Variants in CCDC15 observed in about 807,000 individuals in gnomAD.
The protein encoded by CCDC15 is coiled-coil domain-containing protein 15.
In CCDC15, 105 loss-of-function variants were observed where a neutral mutation model predicts 114.5. The ratio of observed to expected loss-of-function variants is 0.92; its 90% CI spans 0.78 to 1.08. The LOEUF (loss-of-function observed/expected upper bound fraction) is 1.08. Among genes scored for constraint, CCDC15 ranks in the 50% least tolerant of loss-of-function variants. The pLI is 0.00. For missense variants in CCDC15, 1,105 were observed against 1,093.6 expected (o/e 1.01, Z -0.15); for synonymous variants, 334 against 377.8 (o/e 0.88, Z 1.34).
chr11:124,971,147 A>T (rs938541780), intron 4 of CCDC15, among the ~76,000 whole-genome samples: 2 of 152,104 alleles, frequency 1.3e-5, no homozygotes, highest in South Asian at 4.1e-4. Flanking sequence ...TATACCTGGG[A>T]TATAGTCTCT....
chr11:124,992,219 A>G (rs117047025), intron 9 of CCDC15, among the ~76,000 whole-genome samples: 158 of 152,344 alleles, frequency 1.0e-3, no homozygotes, highest in Non-Finnish European at 1.8e-3. Context: ...AGGCTGATGT[A>G]TCACGTTCAT....
chr11:124,966,386 C>T (rs1249972773), intron 4 of CCDC15, among the ~76,000 whole-genome samples: 4 of 151,962 alleles, frequency 2.6e-5, no homozygotes, highest in East Asian at 1.9e-4. Context: ...ATCCTTTTAC[C>T]GTTATGTAAT....
intron 13 of CCDC15, among the ~76,000 whole-genome samples, chr11:125,016,785 C>T (rs1276274598): frequency 6.6e-6 from 1 of 152,168 alleles, no homozygotes; most frequent in African/African-American, 2.4e-5. Context: ...GACATGCCTA[C>T]CACATGGCAT....
chr11:124,991,338 C>G, intron 8 of CCDC15, 123 bp from the exon 9 acceptor site: 1 of 545,170 alleles, frequency 1.8e-6, no homozygotes, highest in Non-Finnish European at 3.0e-6. Context: ...CTCTTTTATT[C>G]CATAATGTTT....
Position 124,987,897 on chromosome 11 carries a change from T to G in CCDC15, c.1671T>G (p.Cys557Trp). The G allele has an allele frequency of 6.2e-7, 1 of 1,613,988 alleles. No homozygotes were observed. The highest frequency in any genetic ancestry group is 8.5e-7 in the Non-Finnish European group (1 of 1,179,882). The part of the protein sequence containing the change: ...LPKDWNILPK[C>W]QDQDFLPRDQ... ...AAGACTGGAATATTCTACCCAAATG[T>G]CAGGACCAGGATTTTCTACCCAGAG... Residue 557 changes from cysteine (C) to tryptophan (W), a missense_variant, in exon 8 of 16, where the codon TGT becomes TGG. Transcript: ENST00000344762.
At position 125,040,877 on chromosome 11, in the gene CCDC15, C is replaced by A; in HGVS notation, c.*166C>A. 4.5e-6 allele frequency: 3 copies of A among 666,966 alleles called. No homozygotes were observed. The highest frequency in any genetic ancestry group is 7.4e-6 in the Non-Finnish European group (3 of 406,370). The allele number at this position is 666,966 out of a possible 1,614,324, so 41.3% of individuals were successfully genotyped here. On this transcript the variant is annotated 3_prime_UTR_variant, in exon 16 of 16. Transcript: ENST00000344762. The stretch of plus-strand genomic sequence containing the variant: ...ATTGTTTTAATCTCTGTCTGGGAAC[C>A]AAGATTGAAAGCTGACTTACTTCTC...
chr11:125,013,013 T>G (rs933169911), intron 13 of CCDC15, among the ~76,000 whole-genome samples: 1 of 152,074 alleles, frequency 6.6e-6, no homozygotes, highest in Admixed American at 6.6e-5. Context: ...GTTGATAGCA[T>G]TAAGTGGAGA....
At chr11:124,954,452 C>T (rs773975600) in intron 1 of CCDC15, 82 bp downstream of exon 1, 5 of 299,898 alleles carry the variant, frequency 1.7e-5, no homozygotes, top group Non-Finnish European at 2.6e-5. Flanking sequence ...TGAGGACAGT[C>T]TTCGTTCTCT....
chr11:124,956,918 A>AT (rs1565350846), intron 2 of CCDC15, among the ~76,000 whole-genome samples: 1 of 152,028 alleles, frequency 6.6e-6, no homozygotes, highest in African/African-American at 2.4e-5. Context: ...ACTTCTACTC[A>AT]TTTTTCTCCC....
At chr11:124,984,878 G>A (rs1053478518) in intron 6 of CCDC15, among the ~76,000 whole-genome samples, 2 of 152,114 alleles carry the variant, frequency 1.3e-5, no homozygotes, top group African/African-American at 4.8e-5. Flanking sequence ...TCTGCTAAGA[G>A]TGTACCTAAT....
intron 13 of CCDC15, among the ~76,000 whole-genome samples, chr11:125,025,519 G>A (rs572388892): frequency 2.6e-5 from 4 of 151,914 alleles, no homozygotes; most frequent in Non-Finnish European, 5.9e-5. Context: ...TAAATGTTTG[G>A]TAGAATTTGG....
chr11:125,003,653 T>G (rs1221882507), intron 11 of CCDC15, among the ~76,000 whole-genome samples: 1 of 152,062 alleles, frequency 6.6e-6, no homozygotes, highest in Non-Finnish European at 1.5e-5. Context: ...TGAACCCTTT[T>G]CTTCGATTTA....
At chr11:125,028,307 G>A (rs2135539877) in intron 13 of CCDC15, among the ~76,000 whole-genome samples, 1 of 152,196 alleles carries the variant, frequency 6.6e-6, no homozygotes, top group African/African-American at 2.4e-5. Context: ...GAATGATGGT[G>A]GTATTTTGAT....
At chr11:125,013,048 G>T (rs1948605376) in intron 13 of CCDC15, among the ~76,000 whole-genome samples, 1 of 152,074 alleles carries the variant, frequency 6.6e-6, no homozygotes, top group Non-Finnish European at 1.5e-5. Context: ...ACTTAACATT[G>T]TATCTGACAT....
chr11:124,979,234 C>T (rs1948025450), intron 6 of CCDC15, among the ~76,000 whole-genome samples: 1 of 152,104 alleles, frequency 6.6e-6, no homozygotes, highest in African/African-American at 2.4e-5. Flanking sequence ...GTGATTCCTC[C>T]AGCTTTGCTC....
intron 11 of CCDC15, among the ~76,000 whole-genome samples, chr11:125,001,292 C>T (rs1948477285): frequency 1.3e-5 from 2 of 152,234 alleles, no homozygotes. Context: ...TTTCACAGCT[C>T]TGTGCATGTC....
At chr11:124,995,538 A>G (rs1184993229) in intron 11 of CCDC15, among the ~76,000 whole-genome samples, 2 of 152,178 alleles carry the variant, frequency 1.3e-5, no homozygotes, top group Non-Finnish European at 2.9e-5. Flanking sequence ...TCAAACATCT[A>G]TTGAGCACGT....
At chr11:125,029,880 A>G (rs570269452) in intron 13 of CCDC15, among the ~76,000 whole-genome samples, 1 of 152,016 alleles carries the variant, frequency 6.6e-6, no homozygotes, top group South Asian at 2.1e-4. Flanking sequence ...TTCCATGCAT[A>G]CTCCTCCTTA....
intron 5 of CCDC15, among the ~76,000 whole-genome samples, chr11:124,975,731 A>G (rs1354421343): frequency 1.3e-5 from 2 of 152,190 alleles, no homozygotes; most frequent in Non-Finnish European, 2.9e-5. Context: ...ACAAAAGCCT[A>G]GGTACAAATG....
Sources: gnomAD v4.1 joint callset for allele counts (sites outside exome capture counted in the v4.1 genomes callset) on GRCh38, gnomAD v4.1.1 for gene constraint, MANE v1.5 for transcripts, NCBI Gene and HGNC (gene_info 2026-07-23, HGNC 2026-07-21) for gene names.